The following KSR2 variants were observed in gnomAD, a reference collection of about 807,000 sequenced individuals.
The protein encoded by KSR2 is kinase suppressor of ras 2.
Under a neutral mutation model 107.8 loss-of-function variants are expected in KSR2, and 25 were observed. The ratio of observed to expected loss-of-function variants is 0.23; its 90% CI spans 0.17 to 0.32. KSR2 has a LOEUF of 0.32. KSR2 is among the 10% of genes least tolerant of loss of function. The pLI, the probability that KSR2 is intolerant of heterozygous loss-of-function variation, is 1.00. For synonymous variants in KSR2, 480 were observed against 507.0 expected, an observed-to-expected ratio of 0.95 and a Z score of 0.71; for missense variants, 887 against 1,268.9, an observed-to-expected ratio of 0.70 and a Z score of 4.57.
chr12:117,767,062 G>C (rs1889257928), intron 3 of KSR2, among the ~76,000 whole-genome samples: 2 of 150,862 alleles, frequency 1.3e-5, no homozygotes, highest in African/African-American at 2.4e-5. Context: ...ACCTCCCAAA[G>C]TGCTGGAATT....
chr12:117,460,304 G>A lies in KSR2; in HGVS notation c.*6895C>T, dbSNP rs1870827744. The A allele has an allele frequency of 6.6e-6, 1 of 152,168 alleles. No individual in the cohort carries two copies. The highest frequency in any genetic ancestry group is 2.4e-5 in the African/African-American group (1 of 41,432). The allele number at this position is 152,168 out of a possible 1,614,324, so 9.4% of individuals were successfully genotyped here. On this transcript the variant is annotated 3_prime_UTR_variant, in exon 20 of 20. Transcript: ENST00000339824. Reference sequence around the variant, plus strand: ...TGGTGTTAGGAAATGGGAGCTGCATGATCCCAATGAGTGGGAAGGAAGGGC... The same window carrying A: ...TGGTGTTAGGAAATGGGAGCTGCATAATCCCAATGAGTGGGAAGGAAGGGC...
At position 117,656,989 on chromosome 12, in the gene KSR2, T is replaced by TATATATATATATATATAATAGG. The variant is rs1555225287; in HGVS notation, c.1171+10484_1171+10485insCCTATTATATATATATATATAT. Among the ~76,000 whole-genome samples, 85 of 37,720 alleles carry TATATATATATATATATAATAGG rather than the reference T, an allele frequency of 2.3e-3. 1 individual carries two copies. Among genetic ancestry groups the TATATATATATATATATAATAGG allele is most frequent in the African/African-American group, 5.9e-3 (81 of 13,792 alleles). 24.7% of individuals were successfully genotyped at this position (37,720 alleles called of 152,430 possible). Reference sequence around the variant, plus strand: ...ATATATATATATAATAGGATATATATATATATATATATATATATATATATA... The same window carrying TATATATATATATATATAATAGG: ...ATATATATATATAATAGGATATATATATATATATATATATATAATAGGATATATATATATATATATATATATA... On this transcript the variant is annotated intron_variant, in intron 5 of 19. Transcript: ENST00000339824.
At chr12:117,833,008 G>T (rs776205820) in intron 3 of KSR2, among the ~76,000 whole-genome samples, 17 of 152,138 alleles carry the variant, frequency 1.1e-4, no homozygotes, top group Non-Finnish European at 2.1e-4. Context: ...CCTTCCTTTT[G>T]CTCTTTCAGA....
In KSR2 at chr12:117,842,932, G is replaced by A. The variant is rs750335458; in HGVS notation, c.472+12496C>T. 1.3e-5 allele frequency among the ~76,000 whole-genome samples: 2 copies of A among 152,186 alleles called. No homozygotes were observed. Among genetic ancestry groups the A allele is most frequent in the Non-Finnish European group, 2.9e-5 (2 of 68,022 alleles). On this transcript the variant is annotated intron_variant, in intron 3 of 19. Coordinates refer to ENST00000339824, the MANE Select transcript of KSR2 (RefSeq NM_173598.6). This position sits in a 1 kb window ranked among gnomAD's most constrained non-coding sequence, Gnocchi z 4.2. ...CCCCTCCCTCCACCCCTGCCTTAGT[G>A]GGGACCAGTCAGTGGCTCTGTAGGA... is the stretch of plus-strand genomic sequence containing the variant.
At chr12:117,909,478 T>C (rs1566077823) in intron 1 of KSR2, among the ~76,000 whole-genome samples, 1 of 152,252 alleles carries the variant, frequency 6.6e-6, no homozygotes, top group African/African-American at 2.4e-5. Flanking sequence ...AGATATTGTT[T>C]ACCGAAGTGT....
At chr12:117,530,039 A>C (rs1262555741) in intron 12 of KSR2, among the ~76,000 whole-genome samples, 2 of 152,070 alleles carry the variant, frequency 1.3e-5, no homozygotes, top group African/African-American at 4.8e-5. Context: ...CAAACAAAAA[A>C]CAAAAACCAA....
intron 4 of KSR2, among the ~76,000 whole-genome samples, chr12:117,712,813 A>G (rs879515581): frequency 3.9e-5 from 6 of 152,190 alleles, no homozygotes; most frequent in Non-Finnish European, 7.3e-5. Context: ...AGAGATATCT[A>G]TATCTAGATA....
At chr12:117,854,939 T>C (rs1893050832) in intron 3 of KSR2, among the ~76,000 whole-genome samples, 1 of 152,150 alleles carries the variant, frequency 6.6e-6, no homozygotes. Flanking sequence ...CATATATCCA[T>C]TTGTCAGGAA....
intron 3 of KSR2, among the ~76,000 whole-genome samples, chr12:117,828,165 C>T (rs1292754428): frequency 6.6e-6 from 1 of 152,222 alleles, no homozygotes. Flanking sequence ...TTGTTCACCG[C>T]TGCGTCCCCA....
intron 14 of KSR2, among the ~76,000 whole-genome samples, chr12:117,503,074 A>C (rs1257004786): frequency 1.3e-5 from 2 of 152,164 alleles, no homozygotes; most frequent in African/African-American, 4.8e-5. Flanking sequence ...TTTGAGAAGG[A>C]GGAACAGAAA....
intron 3 of KSR2, among the ~76,000 whole-genome samples, chr12:117,763,576 G>C (rs892292813): frequency 1.3e-5 from 2 of 152,140 alleles, no homozygotes; most frequent in Non-Finnish European, 2.9e-5. Flanking sequence ...CTGCATGAAG[G>C]TGGTGTTCAC....
intron 3 of KSR2, among the ~76,000 whole-genome samples, chr12:117,780,702 G>A (rs1360673375): frequency 6.6e-6 from 1 of 152,138 alleles, no homozygotes; most frequent in Non-Finnish European, 1.5e-5. Context: ...ACTTTGGTGT[G>A]TTTTCCTACA....
intron 5 of KSR2, among the ~76,000 whole-genome samples, chr12:117,622,652 G>T (rs1568158): frequency 0.86 from 130,756 of 152,000 alleles, 56,341 homozygotes; most frequent in South Asian, 0.94. Flanking sequence ...GAGAGATTTT[G>T]CTGCACAAAA....
chr12:117,721,805 G>T (rs1285719265), intron 4 of KSR2, among the ~76,000 whole-genome samples: 1 of 152,168 alleles, frequency 6.6e-6, no homozygotes, highest in Admixed American at 6.5e-5. Flanking sequence ...GCCATCCACT[G>T]GTACCACCCT....
intron 1 of KSR2, among the ~76,000 whole-genome samples, chr12:117,863,928 A>G (rs1226780379): frequency 6.6e-6 from 1 of 152,084 alleles, no homozygotes; most frequent in Non-Finnish European, 1.5e-5. Context: ...GACCCTTGCA[A>G]TGATCTGGGG....
rs368684140 is a variant in KSR2, at chr12:117,737,027, C to T, written c.986+23984G>A. ...GCTCCCAGCCTGTTATCCAACGACA[C>T]TTAAATCTTCTATAATATATACAAC... On this transcript the variant is annotated intron_variant, in intron 4 of 19. Transcript: ENST00000339824. Among the ~76,000 whole-genome samples, 151 of 152,286 alleles carry T rather than the reference C, an allele frequency of 9.9e-4. 1 individual carries two copies. The highest frequency in any genetic ancestry group is 1.7e-3 in the Non-Finnish European group (117 of 68,028).
intron 3 of KSR2, among the ~76,000 whole-genome samples, chr12:117,844,829 A>G (rs749451305): frequency 5.0e-4 from 76 of 152,144 alleles, no homozygotes; most frequent in Admixed American, 2.6e-4. Flanking sequence ...TTGGGAGTCA[A>G]CTTTCAATAA....
intron 5 of KSR2, among the ~76,000 whole-genome samples, chr12:117,608,659 A>G (rs1373314723): frequency 1.3e-5 from 2 of 152,244 alleles, no homozygotes; most frequent in African/African-American, 4.8e-5. Flanking sequence ...AATAATAATG[A>G]GTACGGCAAA....
At chr12:117,715,292 A>T (rs369056729) in intron 4 of KSR2, among the ~76,000 whole-genome samples, 9 of 152,230 alleles carry the variant, frequency 5.9e-5, no homozygotes, top group African/African-American at 2.2e-4. Context: ...AGCAGGGTCT[A>T]TGTGCTATGG....
Sources: gnomAD v4.1 joint callset for allele counts (sites outside exome capture counted in the v4.1 genomes callset) on GRCh38, gnomAD v4.1.1 for gene constraint, Gnocchi (gnomAD v3.1) non-coding constraint, MANE v1.5 for transcripts, NCBI Gene and HGNC (gene_info 2026-07-23, HGNC 2026-07-21) for gene names.